Variants in SVOPL observed in about 807,000 individuals in gnomAD.
SVOPL encodes the protein SVOP like.
Under a neutral mutation model 61.0 loss-of-function variants are expected in SVOPL, and 60 were observed. That is an observed-to-expected ratio of 0.98 (90% CI 0.80 to 1.22). The LOEUF (loss-of-function observed/expected upper bound fraction) is 1.22. Among genes scored for constraint, SVOPL ranks in the 50% most tolerant of loss-of-function variants. The pLI, the probability that SVOPL is intolerant of heterozygous loss-of-function variation, is 0.00. For missense variants in SVOPL, 662 were observed against 643.9 expected (o/e 1.03, Z -0.30); for synonymous variants, 279 against 250.0 (o/e 1.12, Z -1.09).
intron 10 of SVOPL, 51 bp from the exon 11 acceptor site, chr7:138,628,414 G>A: frequency 1.3e-6 from 2 of 1,577,122 alleles, no homozygotes; most frequent in Non-Finnish European, 1.7e-6. Context: ...CAGACCTGAA[G>A]GATGAGTGGG....
At chr7:138,638,055 C>T (rs964776315) in intron 9 of SVOPL, among the ~76,000 whole-genome samples, 6 of 152,102 alleles carry the variant, frequency 3.9e-5, no homozygotes, top group Non-Finnish European at 8.8e-5. Context: ...AGGTGGATCA[C>T]TTGAGGTCAG....
intron 10 of SVOPL, among the ~76,000 whole-genome samples, chr7:138,629,129 G>A (rs184604022): frequency 7.1e-5 from 4 of 56,582 alleles, no homozygotes; most frequent in Admixed American, 2.2e-4. Context: ...TTTTATATAT[G>A]TGTGTGTGTG....
intron 3 of SVOPL, among the ~76,000 whole-genome samples, chr7:138,672,988 A>G (rs1802468248): frequency 6.6e-6 from 1 of 152,046 alleles, no homozygotes; most frequent in African/African-American, 2.4e-5. Context: ...TAGGTAAAGG[A>G]TCATGAAGGA....
intron 1 of SVOPL, among the ~76,000 whole-genome samples, chr7:138,693,529 A>AAAAGAAAGAAAGAAAG (rs745407235): frequency 0.042 from 4,924 of 116,546 alleles, 212 homozygotes; most frequent in Admixed American, 0.051. Context: ...AAAAGAAAGA[A>AAAAGAAAGAAAGAAAG]AAAGAAAGAA....
rs35593361 is a variant in SVOPL, at chr7:138,672,656, TAAAAA to T, written c.175-544_175-540del. On this transcript the variant is annotated intron_variant, in intron 3 of 15. Transcript: ENST00000674285. Reference sequence around the variant, plus strand: ...GCAGGAAAGTGTTTTTTTTTGTGTTTAAAAAAAAAAAAAAAAAAAGAAGCAATGGG... The same window carrying T: ...GCAGGAAAGTGTTTTTTTTTGTGTTTAAAAAAAAAAAAAAGAAGCAATGGG... 9.5e-4 allele frequency among the ~76,000 whole-genome samples: 113 copies of T among 118,832 alleles called. 1 individual carries two copies. The highest frequency in any genetic ancestry group is 3.7e-3 in the African/African-American group (110 of 30,040). The allele number at this position is 118,832 out of a possible 152,430, so 78.0% of individuals were successfully genotyped here. A position where few individuals can be genotyped will look rare whatever the true frequency, so the allele number is the denominator to read the frequency against.
rs1563108609 is a variant in SVOPL, at chr7:138,637,456, A to ATATC, written c.789+7260_789+7261insGATA. ...TATATATATATAGATAGATAGATAG[A>ATATC]TATATATATATAGATATAGATATAG... On this transcript the variant is annotated intron_variant, in intron 9 of 15. Coordinates refer to ENST00000674285, the MANE Select transcript of SVOPL (RefSeq NM_001139456.2). 1.8e-3 allele frequency among the ~76,000 whole-genome samples: 46 copies of ATATC among 25,542 alleles called. 1 individual carries two copies. The South Asian group carries it at 0.14, about 78-fold the overall frequency. 16.8% of individuals were successfully genotyped at this position (25,542 alleles called of 152,430 possible). A position where few individuals can be genotyped will look rare whatever the true frequency, so the allele number is the denominator to read the frequency against.
intron 9 of SVOPL, among the ~76,000 whole-genome samples, chr7:138,632,497 G>C (rs74367893): frequency 6.6e-6 from 1 of 152,038 alleles, no homozygotes; most frequent in Admixed American, 6.6e-5. Context: ...GATGGGGGCC[G>C]CAAGCTGAAG....
chr7:138,620,581 C>T (rs1563094263), intron 14 of SVOPL, among the ~76,000 whole-genome samples: 1 of 152,056 alleles, frequency 6.6e-6, no homozygotes, highest in Non-Finnish European at 1.5e-5. Context: ...GGCTCCAAGT[C>T]ACCCTGGATT....
chr7:138,641,488 T>A (rs1253800059), intron 9 of SVOPL, among the ~76,000 whole-genome samples: 1 of 151,774 alleles, frequency 6.6e-6, no homozygotes, highest in Non-Finnish European at 1.5e-5. Context: ...CTGACCAACA[T>A]GGCGAAACCC....
intron 9 of SVOPL, among the ~76,000 whole-genome samples, chr7:138,640,506 T>C (rs550209614): frequency 6.6e-6 from 1 of 152,282 alleles, no homozygotes; most frequent in South Asian, 2.1e-4. Flanking sequence ...CACCTCAGTC[T>C]CTCAAAGTGC....
chr7:138,660,276 G>A (rs538336714), intron 5 of SVOPL: 9 of 1,135,400 alleles, frequency 7.9e-6, no homozygotes, highest in Middle Eastern at 3.9e-4. Context: ...AGGCAAAAAC[G>A]TGTCCTCCCT....
chr7:138,621,846 GTATCTATCTATCTATC>G (rs879287399), intron 13 of SVOPL, among the ~76,000 whole-genome samples: 24,429 of 58,854 alleles, frequency 0.42, 3,912 homozygotes, highest in East Asian at 0.58. Flanking sequence ...ATCTATCTAT[GTATCTATCTATCTATC>G]TATCTATCTA....
intron 4 of SVOPL, chr7:138,664,367 C>A: frequency 2.4e-6 from 1 of 424,894 alleles, no homozygotes; most frequent in Non-Finnish European, 3.1e-6. Flanking sequence ...CCTAACCCTC[C>A]AACGCCCCTA....
intron 11 of SVOPL, 97 bp from the exon 12 acceptor site, chr7:138,627,558 A>G (rs111754711): frequency 1.1e-6 from 1 of 886,386 alleles, no homozygotes; most frequent in Non-Finnish European, 1.8e-6. Flanking sequence ...TTCAGAAAGA[A>G]GCAACTTCAT....
chr7:138,670,293 G>C (rs928919426), intron 4 of SVOPL, among the ~76,000 whole-genome samples: 17 of 152,002 alleles, frequency 1.1e-4, no homozygotes, highest in Admixed American at 2.0e-4. Flanking sequence ...ATTATGAGAG[G>C]GGCCTGAATT....
Position 138,628,323 on chromosome 7 carries a change from T to A in SVOPL, c.904A>T (p.Ser302Cys). The A allele has an allele frequency of 6.2e-7, 1 of 1,614,110 alleles. No homozygotes were observed. The highest frequency in any genetic ancestry group is 8.5e-7 in the Non-Finnish European group (1 of 1,180,034). Residue 302 changes from serine (S) to cysteine (C), a missense_variant, in exon 11 of 16, where the codon AGT becomes TGT. Coordinates refer to ENST00000674285, the MANE Select transcript of SVOPL (RefSeq NM_001139456.2). ...SFAYYGVILASAELLERDLVC... is the reference protein window; with the variant it reads ...SFAYYGVILACAELLERDLVC... ...AAGTCCCGCTCCAGCAGCTCAGCAC[T>A]GGCCAGGATAACCCCATAGTAGGCA...
chr7:138,694,799 A>C (rs1044329037), intron 1 of SVOPL, among the ~76,000 whole-genome samples: 1 of 150,870 alleles, frequency 6.6e-6, no homozygotes, highest in Non-Finnish European at 1.5e-5. Flanking sequence ...GATGGAGTGC[A>C]ATGGTCTTGG....
At position 138,644,701 on chromosome 7, in the gene SVOPL, G is replaced by A. The variant is rs1211021285; in HGVS notation, c.789+16C>T. 1.2e-5 allele frequency: 20 copies of A among 1,612,650 alleles called. No individual in the cohort carries two copies. The highest frequency in any genetic ancestry group is 4.5e-5 in the East Asian group (2 of 44,858). ...GCCACTGGTGATAGGAGAAGACCTC[G>A]GGGGCCAGCACTCACCAGGACGGGC... On this transcript the variant is annotated intron_variant, in intron 9 of 15. Coordinates refer to ENST00000674285, the MANE Select transcript of SVOPL (RefSeq NM_001139456.2).
rs1802432391 is a variant in SVOPL, at chr7:138,672,001, C to T, written c.273+18G>A. The T allele has an allele frequency of 6.4e-7, 1 of 1,550,748 alleles. No homozygotes were observed. The highest frequency in any genetic ancestry group is 1.4e-5 in the African/African-American group (1 of 73,154). ...GCCCTCAGTTGCTGTGTTCACGGCA[C>T]AGGGAGCAGGTACTTACCGTGGTTA... On this transcript the variant is annotated intron_variant, in intron 4 of 15. Coordinates refer to ENST00000674285, the MANE Select transcript of SVOPL (RefSeq NM_001139456.2).
Sources: gnomAD v4.1 joint callset for allele counts (sites outside exome capture counted in the v4.1 genomes callset) on GRCh38, gnomAD v4.1.1 for gene constraint, MANE v1.5 for transcripts, NCBI Gene and HGNC (gene_info 2026-07-23, HGNC 2026-07-21) for gene names.